RSPH14: variants seen among roughly 807,000 people sequenced by gnomAD.
The protein encoded by RSPH14 is rhabdoid tumor deletion region gene 1.
RSPH14 carries 20 observed loss-of-function variants against 26.7 expected under a neutral mutation model. That is an observed-to-expected ratio of 0.75 (90% CI 0.53 to 1.09). RSPH14 has a LOEUF of 1.09. Ranked by LOEUF, RSPH14 falls within the 50% of genes least tolerant of loss-of-function variation. The pLI is 0.00. For synonymous variants in RSPH14, 177 were observed against 189.3 expected (o/e 0.93, Z 0.53); for missense variants, 449 against 457.2 (o/e 0.98, Z 0.16).
At chr22:23,157,449 C>T in the RSPH14 span, among the ~76,000 whole-genome samples, 1 of 152,014 alleles carries the variant, frequency 6.6e-6, no homozygotes, top group Non-Finnish European at 1.5e-5. Context: ...TTAGTAGAGA[C>T]GGGGTTTCAC....
chr22:23,061,517 A>AG (rs2068091359), intron 6 of RSPH14, among the ~76,000 whole-genome samples: 1 of 152,214 alleles, frequency 6.6e-6, no homozygotes, highest in South Asian at 2.1e-4. Flanking sequence ...ACAGCTCACA[A>AG]GGGGCCTGGG....
At chr22:23,129,016 ACACAGGTGACACCCACGTTCC>A (rs1482434214) in intron 4 of RSPH14, among the ~76,000 whole-genome samples, 1 of 152,142 alleles carries the variant, frequency 6.6e-6, no homozygotes, top group Non-Finnish European at 1.5e-5. Flanking sequence ...CAGCTAAGCC[ACACAGGTGACACCCACGTTCC>A]CACAGGTGAT....
At chr22:23,141,993 C>T (rs181861147), upstream of RSPH14, 343 of 985,560 alleles carry the variant, frequency 3.5e-4, 3 homozygotes, top group East Asian at 0.03. Context: ...GCGCCACTGG[C>T]CAACCTATTC....
chr22:23,161,547 A>G, the RSPH14 span: 1 of 1,611,958 alleles, frequency 6.2e-7, no homozygotes, highest in South Asian at 1.1e-5. Flanking sequence ...GAGGCCCTCC[A>G]GCCTGGGCTG....
chr22:23,085,303 C>T (rs2068787495), intron 4 of RSPH14, among the ~76,000 whole-genome samples: 1 of 152,200 alleles, frequency 6.6e-6, no homozygotes, highest in African/African-American at 2.4e-5. Flanking sequence ...ACCATCTCCC[C>T]AGCGAGAATA....
the RSPH14 span, chr22:23,150,214 C>T: frequency 1.5e-6 from 2 of 1,330,956 alleles, no homozygotes; most frequent in South Asian, 2.5e-5. Flanking sequence ...GTGCATGAAG[C>T]ACGTGAAAGA....
At chr22:23,176,345 CAT>C in the RSPH14 span, among the ~76,000 whole-genome samples, 5 of 152,204 alleles carry the variant, frequency 3.3e-5, no homozygotes, top group East Asian at 5.8e-4. Context: ...CTCAAGTAGC[CAT>C]ATGTTTCAAA....
upstream of RSPH14, chr22:23,145,399 C>T: frequency 6.2e-7 from 1 of 1,609,380 alleles, no homozygotes. Flanking sequence ...GATGCTTGGA[C>T]GCGCCGCTGC....
chr22:23,098,693 A>G (rs957650804), intron 4 of RSPH14, among the ~76,000 whole-genome samples: 7 of 152,262 alleles, frequency 4.6e-5, no homozygotes, highest in African/African-American at 1.7e-4. Context: ...TGGATTCCAA[A>G]TGATTCTGAC....
At chr22:23,163,499 A>G in the RSPH14 span, 1 of 152,300 alleles carries the variant, frequency 6.6e-6, no homozygotes, top group Non-Finnish European at 1.5e-5. Flanking sequence ...AAGTGCTGGG[A>G]TTACAGGCCT....
At chr22:23,120,832 G>A (rs977542805) in intron 4 of RSPH14, among the ~76,000 whole-genome samples, 6 of 152,198 alleles carry the variant, frequency 3.9e-5, no homozygotes, top group Non-Finnish European at 8.8e-5. Context: ...GAGAGCTGAT[G>A]TGGACTCAGG....
chr22:23,156,129 G>GT, the RSPH14 span: 2 of 1,122,414 alleles, frequency 1.8e-6, no homozygotes, highest in Admixed American at 2.5e-5. Context: ...ACAGGCACCA[G>GT]TTTTTTGTCC....
rs190535892 is a variant in RSPH14 at position 23,071,692 on chromosome 22, G to A, written c.422-7559C>T. On this transcript the variant is annotated intron_variant, in intron 4 of 6. Transcript: ENST00000216036. The surrounding 1 kb of genome is among the most constrained non-coding windows in gnomAD (Gnocchi z 4.1). ...AAAACGTCTCTACTCGACCAACCCC[G>A]CTTGAGTGCAGGTGCAGGGGCCTCG... Among the ~76,000 whole-genome samples the A allele has an allele frequency of 2.6e-5, 4 of 152,200 alleles. No individual in the cohort carries two copies. The highest frequency in any genetic ancestry group is 9.7e-5 in the African/African-American group (4 of 41,450).
intron 4 of RSPH14, among the ~76,000 whole-genome samples, chr22:23,099,488 G>A (rs2069231611): frequency 6.6e-6 from 1 of 152,260 alleles, no homozygotes; most frequent in South Asian, 2.1e-4. Context: ...AGCAACACAA[G>A]GGGGTTTTTC....
At chr22:23,173,842 G>T in the RSPH14 span, among the ~76,000 whole-genome samples, 1 of 151,942 alleles carries the variant, frequency 6.6e-6, no homozygotes, top group Non-Finnish European at 1.5e-5. Flanking sequence ...TGAGTAGCTG[G>T]GACTACAGGC....
chr22:23,173,234 A>T, the RSPH14 span, among the ~76,000 whole-genome samples: 21 of 151,512 alleles, frequency 1.4e-4, no homozygotes, highest in African/African-American at 5.1e-4. Flanking sequence ...TTCCAGGTTC[A>T]CGCCATTCTC....
chr22:23,097,424 A>G (rs1380231842), intron 4 of RSPH14, among the ~76,000 whole-genome samples: 2 of 152,242 alleles, frequency 1.3e-5, no homozygotes, highest in African/African-American at 4.8e-5. Flanking sequence ...CCATGGTGCT[A>G]GGAGCCTGAG....
rs147001523 is a variant in RSPH14 at position 23,138,892 on chromosome 22, G to A, written c.250C>T (p.Arg84Cys). The change falls in exon 3 of 7, where the codon CGC becomes TGC. Residue 84 changes from arginine (R) to cysteine (C), a missense_variant. Coordinates refer to ENST00000216036, the MANE Select transcript of RSPH14 (RefSeq NM_014433.3). ...TGGAGCACCTCGGTGGTCTTTATGC[G>A]CACCATACTGTTGCTATCCTTCAGC... ...ALLKDSNSMV[R>C]IKTTEVLHIT... The A allele has an allele frequency of 6.3e-5, 98 of 1,548,584 alleles. No individual in the cohort carries two copies. The East Asian group carries it at 9.7e-4, about 15-fold the overall frequency.
intron 2 of RSPH14, 27 bp downstream of exon 2, chr22:23,140,195 T>C (rs2070564856): frequency 1.9e-6 from 3 of 1,610,844 alleles, no homozygotes; most frequent in Non-Finnish European, 2.5e-6. Flanking sequence ...ACCCCAGTCA[T>C]GGTCACCTGT....
Sources: gnomAD v4.1 joint callset for allele counts (sites outside exome capture counted in the v4.1 genomes callset) on GRCh38, gnomAD v4.1.1 for gene constraint, Gnocchi (gnomAD v3.1) non-coding constraint, MANE v1.5 for transcripts, NCBI Gene and HGNC (gene_info 2026-07-23, HGNC 2026-07-21) for gene names.